Variants in CTDSP2 observed in about 807,000 individuals in gnomAD.
CTDSP2 encodes the protein CTD small phosphatase 2.
In CTDSP2, 9 loss-of-function variants were observed where a neutral mutation model predicts 31.6. That is an observed-to-expected ratio of 0.28 (90% CI 0.17 to 0.50). The LOEUF (loss-of-function observed/expected upper bound fraction) is 0.50, where lower values mean the gene tolerates loss of function less well. Ranked by LOEUF, CTDSP2 falls within the 20% of genes least tolerant of loss-of-function variation. The pLI, the probability that CTDSP2 is intolerant of heterozygous loss-of-function variation, is 0.98. For missense variants in CTDSP2, 267 were observed against 348.5 expected, an observed-to-expected ratio of 0.77 and a Z score of 1.86; for synonymous variants, 134 against 134.5, an observed-to-expected ratio of 1.00 and a Z score of 0.03.
Position 57,829,564 on chromosome 12 carries a change from G to A in CTDSP2, c.97C>T (p.Arg33Cys). The A allele has an allele frequency of 1.2e-6, 2 of 1,614,146 alleles. No homozygotes were observed. Among genetic ancestry groups the A allele is most frequent in the Non-Finnish European group, 8.5e-7 (1 of 1,179,988 alleles). Reference protein sequence around the residue: ...LVSKSSPKKPRGRNIFKALFC... With the variant: ...LVSKSSPKKPCGRNIFKALFC... The stretch of plus-strand genomic sequence containing the variant: ...AGGGCCTTGAAGATGTTACGTCCAC[G>A]AGGCTTCTTAGGAGAGGACTTGGAG... Residue 33 changes from arginine to cysteine, a missense_variant, in exon 2 of 8, where the codon CGT (arginine) becomes TGT (cysteine). Arg to Cys is a radical substitution (Grantham distance 180). Around this residue, in one of 2 missense-constraint regions of CTDSP2, gnomAD observed 111 missense variants for 107.1 expected, o/e 1.04. Transcript: ENST00000398073.
rs1276005131 is a variant in CTDSP2, at chr12:57,846,632, A to G, written c.-197T>C. 3 of 471,200 alleles carry G rather than the reference A, an allele frequency of 6.4e-6. No individual in the cohort carries two copies. The highest frequency in any genetic ancestry group is 1.1e-5 in the Non-Finnish European group (3 of 273,778). 29.2% of individuals were successfully genotyped at this position (471,200 alleles called of 1,614,324 possible). A position where few individuals can be genotyped will look rare whatever the true frequency, so the allele number is the denominator to read the frequency against. On this transcript the variant is annotated 5_prime_UTR_variant, in exon 1 of 8. Transcript: ENST00000398073. ...TGTACAAAGGGCGGGCGGCCCGGGC[A>G]GCGGCTCCCCCGGGTGCCCCCGGCC... is the stretch of plus-strand genomic sequence containing the variant.
intron 1 of CTDSP2, among the ~76,000 whole-genome samples, chr12:57,843,914 G>A (rs376510288): frequency 3.9e-5 from 6 of 152,082 alleles, no homozygotes; most frequent in South Asian, 2.1e-4. Context: ...TACATGGGGA[G>A]GGGCCGGGCG....
At position 57,822,465 on chromosome 12, in the gene CTDSP2, C is replaced by G. The variant is rs1461241022; in HGVS notation, c.*1137G>C. The G allele has an allele frequency of 2.6e-5, 4 of 152,274 alleles. No homozygotes were observed. The highest frequency in any genetic ancestry group is 4.8e-5 in the African/African-American group (2 of 41,420). 9.4% of individuals were successfully genotyped at this position (152,274 alleles called of 1,614,324 possible). A position where few individuals can be genotyped will look rare whatever the true frequency, so the allele number is the denominator to read the frequency against. The stretch of plus-strand genomic sequence containing the variant: ...AGGCCCTTAAGAGGAAAAGCAACAG[C>G]CAGGAAGGATGAAGGCTGGAACAGA... On this transcript the variant is annotated 3_prime_UTR_variant, in exon 8 of 8. Coordinates refer to ENST00000398073, the MANE Select transcript of CTDSP2 (RefSeq NM_005730.4).
chr12:57,846,505 G>C lies in CTDSP2; in HGVS notation c.-70C>G. ...GGGCGCGCGGGCTGGGCTGGGCTGGGGGGCCTGGGCGGGGGCCCGCTCCGG... is the reference window on the plus strand; with the variant it reads ...GGGCGCGCGGGCTGGGCTGGGCTGGCGGGCCTGGGCGGGGGCCCGCTCCGG... On this transcript the variant is annotated 5_prime_UTR_variant, in exon 1 of 8. Coordinates refer to ENST00000398073, the MANE Select transcript of CTDSP2 (RefSeq NM_005730.4). The C allele has an allele frequency of 7.4e-7, 1 of 1,357,934 alleles. No homozygotes were observed. 84.1% of individuals were successfully genotyped at this position (1,357,934 alleles called of 1,614,324 possible).
In CTDSP2 at chr12:57,844,462, A is replaced by G. The variant is rs1254456893; in HGVS notation, c.64+1910T>C. On this transcript the variant is annotated intron_variant, in intron 1 of 7. Coordinates refer to ENST00000398073, the MANE Select transcript of CTDSP2 (RefSeq NM_005730.4). The stretch of plus-strand genomic sequence containing the variant: ...CGCGTGGCCCCACGATGCCCAAGGC[A>G]CACTCCCTGCAAGAGAGTCCCTGCA... Among the ~76,000 whole-genome samples the G allele has an allele frequency of 2.0e-5, 3 of 152,120 alleles. No individual in the cohort carries two copies. In the East Asian group the frequency reaches 5.8e-4, roughly 29 times the overall value.
intron 1 of CTDSP2, among the ~76,000 whole-genome samples, chr12:57,834,543 G>A (rs1483265473): frequency 1.3e-5 from 2 of 152,232 alleles, no homozygotes; most frequent in African/African-American, 4.8e-5. Flanking sequence ...GGCAGAGGAG[G>A]AAGGAGGGGT....
At chr12:57,825,947 A>G (rs1956180003) in intron 5 of CTDSP2, among the ~76,000 whole-genome samples, 1 of 152,222 alleles carries the variant, frequency 6.6e-6, no homozygotes, top group South Asian at 2.1e-4. Flanking sequence ...ACAGGCAAAG[A>G]GATACCTGGT....
At chr12:57,832,683 C>G (rs926649578) in intron 1 of CTDSP2, among the ~76,000 whole-genome samples, 2 of 148,146 alleles carry the variant, frequency 1.4e-5, no homozygotes, top group Non-Finnish European at 3.0e-5. Flanking sequence ...TCCCAGCTAC[C>G]TGGGATGCTG....
chr12:57,846,129 T>G (rs765040952), intron 1 of CTDSP2, among the ~76,000 whole-genome samples: 1 of 151,752 alleles, frequency 6.6e-6, no homozygotes, highest in African/African-American at 2.4e-5. Flanking sequence ...GGGGGAGGGG[T>G]TGCGGGACAG....
chr12:57,843,257 T>C (rs1237051473), intron 1 of CTDSP2, among the ~76,000 whole-genome samples: 1 of 152,200 alleles, frequency 6.6e-6, no homozygotes, highest in Non-Finnish European at 1.5e-5. Context: ...CACAACCTCT[T>C]AGCAATGGGG....
intron 1 of CTDSP2, among the ~76,000 whole-genome samples, chr12:57,834,015 G>GGTA: frequency 6.6e-6 from 1 of 152,348 alleles, no homozygotes; most frequent in East Asian, 1.9e-4. Flanking sequence ...CGGTCATGCA[G>GGTA]GTAGTATGAC....
At chr12:57,839,517 G>A (rs974381636) in intron 1 of CTDSP2, among the ~76,000 whole-genome samples, 9 of 152,160 alleles carry the variant, frequency 5.9e-5, no homozygotes, top group Non-Finnish European at 7.3e-5. Flanking sequence ...AGGAGATCAA[G>A]ACCATCCTGG....
chr12:57,846,485 C>T lies in CTDSP2; in HGVS notation c.-50G>A. On this transcript the variant is annotated 5_prime_UTR_variant, in exon 1 of 8. Coordinates refer to ENST00000398073, the MANE Select transcript of CTDSP2 (RefSeq NM_005730.4). ...GGCTGGGCGGGAGGACGGGCGGGCG[C>T]GCGGGCTGGGCTGGGCTGGGGGGCC... 6.6e-7 allele frequency: 1 copy of T among 1,506,942 alleles called. No individual in the cohort carries two copies. Among genetic ancestry groups the T allele is most frequent in the Non-Finnish European group, 8.9e-7 (1 of 1,120,354 alleles). 93.3% of individuals were successfully genotyped at this position (1,506,942 alleles called of 1,614,324 possible). A position where few individuals can be genotyped will look rare whatever the true frequency, so the allele number is the denominator to read the frequency against.
intron 2 of CTDSP2, among the ~76,000 whole-genome samples, chr12:57,828,161 T>A (rs1480132571): frequency 6.6e-6 from 1 of 152,216 alleles, no homozygotes; most frequent in Non-Finnish European, 1.5e-5. Context: ...GGCTCATGCC[T>A]GTAATCCCAG....
At chr12:57,829,678 C>T (rs1342210410) in intron 1 of CTDSP2, 82 bp from the exon 2 acceptor site, 1 of 1,332,802 alleles carries the variant, frequency 7.5e-7, no homozygotes. Context: ...CATAGCTCTT[C>T]TAGTTTGTAA....
chr12:57,820,381 T>G lies in CTDSP2; in HGVS notation c.*3221A>C, dbSNP rs1956137532. ...CCGAGGGACAGCAGTGGTTAAGTAA[T>G]CCACTGAGGACCTGAAGGGGAAAAT... On this transcript the variant is annotated 3_prime_UTR_variant, in exon 8 of 8. Transcript: ENST00000398073. The G allele has an allele frequency of 6.6e-6, 1 of 152,190 alleles. No homozygotes were observed. Among genetic ancestry groups the G allele is most frequent in the East Asian group, 1.9e-4 (1 of 5,196 alleles). The allele number at this position is 152,190 out of a possible 1,614,324, so 9.4% of individuals were successfully genotyped here.
chr12:57,846,264 G>C (rs1053500829), intron 1 of CTDSP2, 108 bp downstream of exon 1: 4 of 1,022,824 alleles, frequency 3.9e-6, no homozygotes, highest in Non-Finnish European at 4.3e-6. Context: ...AGTCGGGATC[G>C]CTGGCTCTAA....
intron 7 of CTDSP2, 67 bp from the exon 8 acceptor site, chr12:57,823,794 T>C: frequency 2.5e-6 from 4 of 1,610,582 alleles, no homozygotes; most frequent in Non-Finnish European, 3.4e-6. Context: ...CCCAGAGCCC[T>C]AGAGGGTGGC....
intron 1 of CTDSP2, among the ~76,000 whole-genome samples, chr12:57,838,363 A>T (rs942702254): frequency 2.6e-5 from 4 of 152,220 alleles, no homozygotes; most frequent in Non-Finnish European, 5.9e-5. Flanking sequence ...ATGTAGCACC[A>T]GCCAGAGCAA....
Sources: allele counts gnomAD v4.1 joint callset (sites outside exome capture counted in the v4.1 genomes callset), GRCh38; gene constraint gnomAD v4.1.1; regional missense constraint gnomAD v4.1.1; transcripts MANE v1.5; gene names NCBI Gene and HGNC (gene_info 2026-07-23, HGNC 2026-07-21).